The following SLC9A9 variants were observed in gnomAD, a reference collection of about 807,000 sequenced individuals.
SLC9A9 encodes the protein solute carrier family 9 member A9, also known as sodium/hydrogen exchanger 9.
SLC9A9 carries 62 observed loss-of-function variants against 77.8 expected under a neutral mutation model. The ratio of observed to expected loss-of-function variants is 0.80; its 90% CI spans 0.65 to 0.98. The LOEUF (loss-of-function observed/expected upper bound fraction) is 0.98. Among genes scored for constraint, SLC9A9 ranks in the 50% least tolerant of loss-of-function variants. The pLI, the probability that SLC9A9 is intolerant of heterozygous loss-of-function variation, is 0.00. For missense variants in SLC9A9, 775 were observed against 774.9 expected, an observed-to-expected ratio of 1.00 and a Z score of 0.00; for synonymous variants, 320 against 283.5, an observed-to-expected ratio of 1.13 and a Z score of -1.29.
intron 5 of SLC9A9, among the ~76,000 whole-genome samples, chr3:143,682,314 C>A (rs1034680420): frequency 1.2e-4 from 19 of 152,236 alleles, no homozygotes; most frequent in African/African-American, 4.3e-4. Flanking sequence ...GGCCAAGTCA[C>A]TCACCTCTAA....
intron 9 of SLC9A9, among the ~76,000 whole-genome samples, chr3:143,540,715 G>A (rs2036673775): frequency 6.6e-6 from 1 of 152,144 alleles, no homozygotes; most frequent in South Asian, 2.1e-4. Flanking sequence ...GAGTTGTGAT[G>A]CACTACTCTA....
At chr3:143,420,738 G>C (rs536127507) in intron 12 of SLC9A9, among the ~76,000 whole-genome samples, 2 of 152,278 alleles carry the variant, frequency 1.3e-5, no homozygotes, top group South Asian at 4.1e-4. Flanking sequence ...TGGGAGCTTG[G>C]TGGTAGCATT....
intron 4 of SLC9A9, among the ~76,000 whole-genome samples, chr3:143,786,596 C>G (rs1560078675): frequency 6.6e-6 from 1 of 152,234 alleles, no homozygotes; most frequent in Non-Finnish European, 1.5e-5. Flanking sequence ...TCACTCTCCT[C>G]TCTGCTGCCA....
rs374724094 is a variant in SLC9A9 at position 143,641,687 on chromosome 3, C to T, written c.755+10568G>A. ...GGATTACAGGCGTGAGCCACTGTGCCCGGCCTGTTGTCGCAGTCTTTTGCA... is the reference window on the plus strand; with the variant it reads ...GGATTACAGGCGTGAGCCACTGTGCTCGGCCTGTTGTCGCAGTCTTTTGCA... On this transcript the variant is annotated intron_variant, in intron 6 of 15. Coordinates refer to ENST00000316549, the MANE Select transcript of SLC9A9 (RefSeq NM_173653.4). 1.1e-3 allele frequency among the ~76,000 whole-genome samples: 172 copies of T among 152,312 alleles called. 1 individual carries two copies. The highest frequency in any genetic ancestry group is 3.8e-3 in the African/African-American group (158 of 41,570).
At chr3:143,284,583 T>C (rs1200164443) in intron 14 of SLC9A9, among the ~76,000 whole-genome samples, 1 of 152,004 alleles carries the variant, frequency 6.6e-6, no homozygotes, top group Non-Finnish European at 1.5e-5. Context: ...TAAAATATAA[T>C]ATAATATAAT....
intron 14 of SLC9A9, among the ~76,000 whole-genome samples, chr3:143,360,510 G>T (rs757705470): frequency 1.3e-5 from 2 of 152,176 alleles, no homozygotes; most frequent in African/African-American, 2.4e-5. Context: ...GACCCTCCCA[G>T]CCTCCTACAG....
At chr3:143,522,579 T>C (rs1321532870) in intron 9 of SLC9A9, among the ~76,000 whole-genome samples, 1 of 152,094 alleles carries the variant, frequency 6.6e-6, no homozygotes, top group Non-Finnish European at 1.5e-5. Context: ...GCATCCCCTA[T>C]CATCTCATCT....
At chr3:143,524,708 A>C (rs1232542033) in intron 9 of SLC9A9, among the ~76,000 whole-genome samples, 1 of 152,224 alleles carries the variant, frequency 6.6e-6, no homozygotes, top group Non-Finnish European at 1.5e-5. Flanking sequence ...GTTTGTCCCC[A>C]CTAAAACTTA....
chr3:143,413,564 C>T (rs1195660306), intron 12 of SLC9A9, among the ~76,000 whole-genome samples: 1 of 152,132 alleles, frequency 6.6e-6, no homozygotes, highest in African/African-American at 2.4e-5. Flanking sequence ...GGAACCACAA[C>T]TTTAAATAAC....
intron 2 of SLC9A9, among the ~76,000 whole-genome samples, chr3:143,799,526 C>G (rs1431361838): frequency 6.6e-6 from 1 of 152,210 alleles, no homozygotes; most frequent in Non-Finnish European, 1.5e-5. Flanking sequence ...GCCAGGGGTT[C>G]TTCCAGAACC....
intron 5 of SLC9A9, among the ~76,000 whole-genome samples, chr3:143,670,750 TGTC>T (rs1414855193): frequency 5.3e-5 from 8 of 152,352 alleles, no homozygotes; most frequent in African/African-American, 1.4e-4. Flanking sequence ...TACTGCCAGT[TGTC>T]GTATCTACCT....
At chr3:143,773,930 G>T (rs1335201318) in intron 4 of SLC9A9, among the ~76,000 whole-genome samples, 1 of 152,096 alleles carries the variant, frequency 6.6e-6, no homozygotes, top group African/African-American at 2.4e-5. Context: ...ACTCAGTAGG[G>T]GTTTTACAAA....
chr3:143,410,367 T>A (rs1225624555), intron 12 of SLC9A9, among the ~76,000 whole-genome samples: 1 of 152,258 alleles, frequency 6.6e-6, no homozygotes. Context: ...TCCAACTCCC[T>A]GTATTCAAAA....
intron 6 of SLC9A9, among the ~76,000 whole-genome samples, chr3:143,621,281 A>T (rs1217901033): frequency 6.6e-6 from 1 of 152,214 alleles, no homozygotes; most frequent in African/African-American, 2.4e-5. Flanking sequence ...TTCTCCCAGC[A>T]TGCAGCTGGA....
chr3:143,517,044 GT>G, intron 9 of SLC9A9: 1 of 840,762 alleles, frequency 1.2e-6, no homozygotes, highest in Non-Finnish European at 1.9e-6. Context: ...TGAAATTCTT[GT>G]TTAATAAATA....
chr3:143,270,975 G>A (rs867595793), intron 14 of SLC9A9, among the ~76,000 whole-genome samples: 2 of 152,154 alleles, frequency 1.3e-5, no homozygotes, highest in African/African-American at 2.4e-5. Context: ...GTTTTAAATC[G>A]TGTGCCATTC....
intron 5 of SLC9A9, among the ~76,000 whole-genome samples, chr3:143,667,925 C>T (rs113366007): frequency 1.3e-3 from 205 of 152,242 alleles, no homozygotes; most frequent in East Asian, 8.9e-3. Flanking sequence ...GACAATGTAG[C>T]GATTCCTCAA....
chr3:143,639,562 C>T (rs755723890), intron 6 of SLC9A9, among the ~76,000 whole-genome samples: 5 of 152,210 alleles, frequency 3.3e-5, no homozygotes, highest in African/African-American at 4.8e-5. Context: ...TCAAACACTG[C>T]TAGTCTTCTT....
intron 9 of SLC9A9, among the ~76,000 whole-genome samples, chr3:143,527,935 C>T (rs950765488): frequency 2.0e-5 from 3 of 152,172 alleles, no homozygotes; most frequent in Non-Finnish European, 2.9e-5. Flanking sequence ...GGCATTGTCA[C>T]CAGGCTAGGC....
Sources: gnomAD v4.1 joint callset for allele counts (sites outside exome capture counted in the v4.1 genomes callset) on GRCh38, gnomAD v4.1.1 for gene constraint, MANE v1.5 for transcripts, NCBI Gene and HGNC (gene_info 2026-07-23, HGNC 2026-07-21) for gene names.